Variants in C4orf50 observed in about 807,000 individuals in gnomAD.
C4orf50 encodes the protein uncharacterized protein C4orf50.
C4orf50 carries 80 observed loss-of-function variants against 77.2 expected under a neutral mutation model. The ratio of observed to expected loss-of-function variants is 1.04; its 90% CI spans 0.87 to 1.25. The LOEUF is 1.25. Ranked by LOEUF, C4orf50 falls within the 50% of genes most tolerant of loss-of-function variation. The pLI, the probability that C4orf50 is intolerant of heterozygous loss-of-function variation, is 0.00. For missense variants in C4orf50, 1,257 were observed against 1,152.9 expected (o/e 1.09, Z -1.31); for synonymous variants, 532 against 465.3 (o/e 1.14, Z -1.84).
At chr4:5,975,500 GTT>G (rs1553917457) in intron 30 of C4orf50, among the ~76,000 whole-genome samples, 2 of 15,942 alleles carry the variant, frequency 1.3e-4, no homozygotes, top group Non-Finnish European at 9.5e-5. Flanking sequence ...CGGTTTTTTT[GTT>G]TTGTTTTGTT....
At chr4:5,991,410 CCA>C (rs1399731592) in intron 27 of C4orf50, among the ~76,000 whole-genome samples, 21 of 152,176 alleles carry the variant, frequency 1.4e-4, no homozygotes, top group Non-Finnish European at 5.9e-5. Context: ...TGCAGGTGGT[CCA>C]CTCCCTGAGG....
intron 7 of C4orf50, among the ~76,000 whole-genome samples, chr4:5,944,910 C>A (rs1718417166): frequency 6.6e-6 from 1 of 152,184 alleles, no homozygotes; most frequent in East Asian, 1.9e-4. Flanking sequence ...AGCCTGCTGC[C>A]TGATTGACTT....
At position 5,930,766 on chromosome 4, in the gene C4orf50, G is replaced by A. The variant is rs369359765; in HGVS notation, c.*2474+26135C>T. On this transcript the variant is annotated intron_variant, in intron 7 of 7. Transcript: ENST00000324058. ...AGTGTTGCACTCAACTCCAGTGTGCGTCTCCCCTGGGAGCACGTGAGCACC... is the reference window on the plus strand; with the variant it reads ...AGTGTTGCACTCAACTCCAGTGTGCATCTCCCCTGGGAGCACGTGAGCACC... 3.9e-4 allele frequency among the ~76,000 whole-genome samples: 60 copies of A among 152,326 alleles called. 1 individual carries two copies. In the South Asian group the frequency reaches 9.3e-3, roughly 24 times the overall value.
intron 23 of C4orf50, among the ~76,000 whole-genome samples, chr4:6,016,009 C>T (rs1194786128): frequency 2.0e-5 from 3 of 152,188 alleles, no homozygotes; most frequent in African/African-American, 7.2e-5. Context: ...GGCCTTGCAC[C>T]CTGAGCTGCC....
downstream of C4orf50, among the ~76,000 whole-genome samples, chr4:5,953,890 C>A (rs980585901): frequency 1.3e-5 from 2 of 152,340 alleles, no homozygotes; most frequent in East Asian, 3.9e-4. Context: ...GCTGAGGCAG[C>A]CTCTGTAAAA....
chr4:5,979,847 G>T (rs1720475463), intron 29 of C4orf50, among the ~76,000 whole-genome samples: 1 of 152,236 alleles, frequency 6.6e-6, no homozygotes, highest in Non-Finnish European at 1.5e-5. Flanking sequence ...GTATAGGTTT[G>T]CACCTGCACC....
At chr4:5,953,114 C>T (rs1001212), downstream of C4orf50, among the ~76,000 whole-genome samples, 38,243 of 151,896 alleles carry the variant, frequency 0.25, 5,321 homozygotes, top group Admixed American at 0.38. Flanking sequence ...CCTCCTCCTG[C>T]CATAGCAGAG....
At chr4:5,931,784 G>A (rs908808050) in intron 7 of C4orf50, among the ~76,000 whole-genome samples, 14 of 152,164 alleles carry the variant, frequency 9.2e-5, no homozygotes, top group Admixed American at 2.0e-4. Flanking sequence ...CATCTTCCCC[G>A]TGGATCCAGG....
rs1202051378 is a variant in C4orf50, at chr4:5,989,390, G to C, written c.2656C>G (p.Leu886Val). Residue 886 changes from leucine to valine, a missense_variant, in exon 28 of 34, where the codon CTG (leucine) becomes GTG (valine). Physicochemically the swap from Leu to Val is conservative, Grantham distance 32 (BLOSUM62 1). Transcript: ENST00000531445. ...TTACCAGGAACTTCGCTGGTGCCCAGGGCCGTGGTCTTTCCCGGCTTATCA... is the reference window on the plus strand; with the variant it reads ...TTACCAGGAACTTCGCTGGTGCCCACGGCCGTGGTCTTTCCCGGCTTATCA... The C allele has an allele frequency of 2.6e-6, 4 of 1,535,952 alleles. No homozygotes were observed. The African/African-American group carries it at 5.5e-5, about 21-fold the overall frequency.
At chr4:5,967,881 C>T (rs1179821137) in intron 31 of C4orf50, among the ~76,000 whole-genome samples, 3 of 152,260 alleles carry the variant, frequency 2.0e-5, no homozygotes, top group African/African-American at 7.2e-5. Flanking sequence ...CACCACCGCA[C>T]AGACCAGTGT....
intron 32 of C4orf50, 71 bp from the exon 11 acceptor site, chr4:5,965,216 T>C (rs6839512): frequency 0.32 from 470,215 of 1,479,460 alleles, 76,683 homozygotes; most frequent in Admixed American, 0.43. Flanking sequence ...TGTCTGAGCC[T>C]TGTCATAACC....
At position 5,980,340 on chromosome 4, in the gene C4orf50, T is replaced by C; in HGVS notation, c.3700-2A>G. ...AACCTCGGCCTCTGAGTCCCGGAGC[T>C]GCGGAAATCACAGATTTGAATGAAA... On this transcript the variant is annotated splice_acceptor_variant, in intron 28 of 33. Coordinates refer to ENST00000531445, the Ensembl canonical transcript of C4orf50. LOFTEE classifies it high-confidence loss of function. The C allele has an allele frequency of 6.2e-7, 1 of 1,608,792 alleles. No individual in the cohort carries two copies. The highest frequency in any genetic ancestry group is 8.5e-7 in the Non-Finnish European group (1 of 1,177,958).
rs116839440 is a variant in C4orf50, at chr4:5,916,630, G to A, written c.*2475-18442C>T. Reference sequence around the variant, plus strand: ...GCCTGAGACCCAGACAGGGGTGCAGGTGGTTTATTTGGGGGGAGATCCCAG... The same window carrying A: ...GCCTGAGACCCAGACAGGGGTGCAGATGGTTTATTTGGGGGGAGATCCCAG... On this transcript the variant is annotated intron_variant, in intron 7 of 7. Coordinates refer to the C4orf50 transcript ENST00000324058. This position sits in a 1 kb window ranked among gnomAD's most constrained non-coding sequence, Gnocchi z 4.4. 2.8e-3 allele frequency among the ~76,000 whole-genome samples: 434 copies of A among 152,344 alleles called. 2 individuals are homozygous for A. Among genetic ancestry groups the A allele is most frequent in the African/African-American group, 9.9e-3 (410 of 41,572 alleles).
chr4:6,003,783 GTGATGGTGA>G (rs1721971101), intron 25 of C4orf50, among the ~76,000 whole-genome samples: 1 of 92,810 alleles, frequency 1.1e-5, no homozygotes, highest in Non-Finnish European at 2.2e-5. Flanking sequence ...GGTGATGATG[GTGATGGTGA>G]TGATGGTGAT....
At chr4:5,959,406 A>C (rs1175515782) in exon 34 of C4orf50, 3 of 1,614,002 alleles carry the variant, frequency 1.9e-6, no homozygotes, top group East Asian at 4.5e-5. Context: ...TGATTTATGG[A>C]CCTGGGAATT....
rs1373672926 is a variant in C4orf50 at position 6,011,717 on chromosome 4, C to T, written c.426+113G>A. 2.5e-6 allele frequency: 1 copy of T among 398,108 alleles called. No homozygotes were observed. The highest frequency in any genetic ancestry group is 4.4e-6 in the Non-Finnish European group (1 of 226,038). The allele number at this position is 398,108 out of a possible 1,614,324, so 24.7% of individuals were successfully genotyped here. ...CGTAGGATCTCTCTAACCCTCCTGACTGGGCTCTCCCAGGCCCACCCTGTA... is the reference window on the plus strand; with the variant it reads ...CGTAGGATCTCTCTAACCCTCCTGATTGGGCTCTCCCAGGCCCACCCTGTA... On this transcript the variant is annotated intron_variant, in intron 24 of 33. Coordinates refer to ENST00000531445, the Ensembl canonical transcript of C4orf50. The surrounding 1 kb of genome is among the most constrained non-coding windows in gnomAD (Gnocchi z 4.2).
intron 7 of C4orf50, among the ~76,000 whole-genome samples, chr4:5,912,833 G>A (rs541982230): frequency 1.3e-5 from 2 of 152,296 alleles, no homozygotes; most frequent in African/African-American, 4.8e-5. Flanking sequence ...GCATGCTCTG[G>A]GTTATATTTT....
At chr4:5,924,889 G>C (rs1053134620) in intron 7 of C4orf50, among the ~76,000 whole-genome samples, 3 of 152,220 alleles carry the variant, frequency 2.0e-5, no homozygotes, top group Admixed American at 6.5e-5. Context: ...TTAGCAGGGA[G>C]GTCCCAGTGG....
chr4:6,006,215 T>C (rs28422933), intron 25 of C4orf50, among the ~76,000 whole-genome samples: 28,804 of 152,176 alleles, frequency 0.19, 2,938 homozygotes, highest in Non-Finnish European at 0.23. Context: ...TCAGATCATT[T>C]AAGGTTCCAG....
Sources: allele counts gnomAD v4.1 joint callset (sites outside exome capture counted in the v4.1 genomes callset), GRCh38; gene constraint gnomAD v4.1.1; non-coding constraint Gnocchi (gnomAD v3.1); transcripts MANE v1.5; gene names NCBI Gene and HGNC (gene_info 2026-07-23, HGNC 2026-07-21).